Variants in SEMA6A observed in about 807,000 individuals in gnomAD.
The protein encoded by SEMA6A is semaphorin-6A.
In SEMA6A, 25 loss-of-function variants were observed where a neutral mutation model predicts 96.8. The ratio of observed to expected loss-of-function variants is 0.26; its 90% CI spans 0.19 to 0.36. The LOEUF is 0.36. Among genes scored for constraint, SEMA6A ranks in the 10% least tolerant of loss-of-function variants. The pLI is 1.00. For missense variants in SEMA6A, 1,363 were observed against 1,323.1 expected, an observed-to-expected ratio of 1.03 and a Z score of -0.47; for synonymous variants, 612 against 518.0, an observed-to-expected ratio of 1.18 and a Z score of -2.46.
At chr5:116,516,525 G>T (rs1217983144) in intron 1 of SEMA6A, among the ~76,000 whole-genome samples, 1 of 151,690 alleles carries the variant, frequency 6.6e-6, no homozygotes, top group African/African-American at 2.4e-5. Flanking sequence ...ATCTTTATTG[G>T]CTTTGCTCAT....
rs181394765 is a variant in SEMA6A, at chr5:116,444,219, C to G, written c.*2394G>C. On this transcript the variant is annotated 3_prime_UTR_variant, in exon 19 of 19. Coordinates refer to ENST00000343348, the MANE Select transcript of SEMA6A (RefSeq NM_020796.5). ...AGTTCACAGGATGTGAACATGGATT[C>G]CATTACAAAAGCCAAAAAAAAAAAA... 1.8e-3 allele frequency: 267 copies of G among 151,364 alleles called. No individual in the cohort carries two copies. The highest frequency in any genetic ancestry group is 6.2e-3 in the African/African-American group (254 of 41,122). 9.4% of individuals were successfully genotyped at this position (151,364 alleles called of 1,614,324 possible).
chr5:116,472,777 A>AAAGT, intron 17 of SEMA6A: 1 of 827,520 alleles, frequency 1.2e-6, no homozygotes. Context: ...TTGGGGCCCT[A>AAAGT]AAGTAACAAA....
intron 6 of SEMA6A, among the ~76,000 whole-genome samples, chr5:116,494,255 T>TA (rs1159850127): frequency 6.6e-6 from 1 of 152,240 alleles, no homozygotes; most frequent in Non-Finnish European, 1.5e-5. Context: ...CTCCATGCCT[T>TA]TGTTCATGCT....
At chr5:116,505,457 G>GCACACA (rs386418405) in intron 1 of SEMA6A, among the ~76,000 whole-genome samples, 87 of 143,722 alleles carry the variant, frequency 6.1e-4, no homozygotes, top group African/African-American at 2.1e-3. Flanking sequence ...ACACACGCAC[G>GCACACA]CGCACACACA....
chr5:116,450,499 T>C (rs987939743), intron 18 of SEMA6A, among the ~76,000 whole-genome samples: 8 of 152,238 alleles, frequency 5.3e-5, no homozygotes, highest in African/African-American at 1.9e-4. Context: ...ATCCATTGCT[T>C]CTTAGCCTTA....
Position 116,540,536 on chromosome 5 carries a change from C to T in SEMA6A, c.-39+33649G>A, listed in dbSNP as rs376553916. ...CTTTCATACTGTGAAGTCTAGAAGA[C>T]ATGAATCCCCCCATCATTCCCACAT... On this transcript the variant is annotated intron_variant, in intron 1 of 18. Coordinates refer to ENST00000343348, the MANE Select transcript of SEMA6A (RefSeq NM_020796.5). Among the ~76,000 whole-genome samples the T allele has an allele frequency of 2.4e-3, 359 of 152,294 alleles. 2 individuals carry two copies. The highest frequency in any genetic ancestry group is 8.1e-3 in the African/African-American group (336 of 41,560).
chr5:116,462,881 A>G (rs1405438438), intron 18 of SEMA6A, among the ~76,000 whole-genome samples: 1 of 152,064 alleles, frequency 6.6e-6, no homozygotes, highest in East Asian at 1.9e-4. Context: ...CTACCATATT[A>G]TTTACTTAGT....
chr5:116,504,111 C>A (rs1285990570), intron 2 of SEMA6A, among the ~76,000 whole-genome samples: 1 of 152,048 alleles, frequency 6.6e-6, no homozygotes, highest in Non-Finnish European at 1.5e-5. Flanking sequence ...ATGGCTCACT[C>A]AGTGTTTGTT....
Position 116,482,536 on chromosome 5 carries a change from G to A in SEMA6A, c.1002C>T (p.Asp334=), listed in dbSNP as rs1264649383. Residue 334 remains aspartate, a synonymous_variant, in exon 11 of 19, where the codon GAC becomes GAT. Coordinates refer to ENST00000343348, the MANE Select transcript of SEMA6A (RefSeq NM_020796.5). ...GSAVCAYDML[D]IASVFTGRFK... is the part of the protein sequence containing the mutation. ...ATCTCCCAGTAAAAACACTGGCAAT[G>A]TCAAGCATGTCATAGGCACAGACTG... 1 of 1,613,532 alleles carries A rather than the reference G, an allele frequency of 6.2e-7. No individual in the cohort carries two copies. Among genetic ancestry groups the A allele is most frequent in the Non-Finnish European group, 8.5e-7 (1 of 1,179,694 alleles).
intron 18 of SEMA6A, among the ~76,000 whole-genome samples, chr5:116,448,772 A>AAAC (rs1754442532): frequency 6.6e-6 from 1 of 151,740 alleles, no homozygotes; most frequent in Non-Finnish European, 1.5e-5. Context: ...AAAAAAAAAA[A>AAAC]AAAACAGTGC....
At chr5:116,561,375 A>G (rs1760813606) in intron 1 of SEMA6A, among the ~76,000 whole-genome samples, 3 of 152,204 alleles carry the variant, frequency 2.0e-5, no homozygotes, top group Admixed American at 2.0e-4. Context: ...AGCCCTATCT[A>G]AACACCTCAA....
At chr5:116,568,715 T>G (rs1761101590) in intron 1 of SEMA6A, among the ~76,000 whole-genome samples, 1 of 151,936 alleles carries the variant, frequency 6.6e-6, no homozygotes, top group Non-Finnish European at 1.5e-5. Context: ...TGGGTGAGAA[T>G]GTGGGAATGA....
chr5:116,463,662 G>T (rs1423806286), intron 18 of SEMA6A, among the ~76,000 whole-genome samples: 1 of 152,142 alleles, frequency 6.6e-6, no homozygotes, highest in Non-Finnish European at 1.5e-5. Flanking sequence ...TGGACTAAAT[G>T]TAATAATGTG....
At position 116,574,562 on chromosome 5, in the gene SEMA6A, G is replaced by C. The variant is rs1452543477; in HGVS notation, c.-416C>G. The C allele has an allele frequency of 7.1e-6, 1 of 141,314 alleles. No individual in the cohort carries two copies. The highest frequency in any genetic ancestry group is 2.6e-5 in the African/African-American group (1 of 39,124). 8.8% of individuals were successfully genotyped at this position (141,314 alleles called of 1,614,324 possible). On this transcript the variant is annotated 5_prime_UTR_variant, in exon 1 of 19. Coordinates refer to ENST00000343348, the MANE Select transcript of SEMA6A (RefSeq NM_020796.5). The stretch of plus-strand genomic sequence containing the variant: ...TCGGTGAGTCCCCTTGGTGGTGTCT[G>C]CGCCGATTAACAAGTCATTTCAGGG...
At chr5:116,478,249 C>G in intron 13 of SEMA6A, 95 bp from the exon 14 acceptor site, 9 of 1,409,176 alleles carry the variant, frequency 6.4e-6, no homozygotes, top group Non-Finnish European at 8.7e-6. Context: ...AAGGCAATCT[C>G]TTAATCTAAC....
At chr5:116,472,707 G>A (rs1041844914) in intron 17 of SEMA6A, 2 of 518,352 alleles carry the variant, frequency 3.9e-6, no homozygotes, top group Non-Finnish European at 6.6e-6. Flanking sequence ...CACATCAATT[G>A]TCTCACATAG....
At chr5:116,485,373 C>CT (rs1203603731) in intron 10 of SEMA6A, among the ~76,000 whole-genome samples, 6 of 152,148 alleles carry the variant, frequency 3.9e-5, no homozygotes, top group Non-Finnish European at 7.4e-5. Flanking sequence ...AGACAGTATA[C>CT]TTTTTCAAAA....
At chr5:116,467,882 A>AGTGGTG (rs3073761) in intron 17 of SEMA6A, 135 bp from the exon 18 acceptor site, 9,536 of 550,886 alleles carry the variant, frequency 0.017, 131 homozygotes, top group Non-Finnish European at 0.022. Flanking sequence ...GACACGGCTT[A>AGTGGTG]GTGGTGGTGG....
At chr5:116,538,618 AT>A (rs933300858) in intron 1 of SEMA6A, among the ~76,000 whole-genome samples, 3 of 152,146 alleles carry the variant, frequency 2.0e-5, no homozygotes, top group Non-Finnish European at 4.4e-5. Flanking sequence ...AAAGTTTGAA[AT>A]TTTTTTATCT....
Sources: allele counts gnomAD v4.1 joint callset (sites outside exome capture counted in the v4.1 genomes callset), GRCh38; gene constraint gnomAD v4.1.1; transcripts MANE v1.5; gene names NCBI Gene and HGNC (gene_info 2026-07-23, HGNC 2026-07-21).